Variants in ABCC3 observed in about 807,000 individuals in gnomAD.
The protein encoded by ABCC3 is ATP-binding cassette sub-family C member 3.
ABCC3 carries 121 observed loss-of-function variants against 165.3 expected under a neutral mutation model. The ratio of observed to expected loss-of-function variants is 0.73; its 90% CI spans 0.63 to 0.85. The LOEUF (loss-of-function observed/expected upper bound fraction) is 0.85. Among genes scored for constraint, ABCC3 ranks in the 40% least tolerant of loss-of-function variants. ABCC3 has a pLI of 0.00. For synonymous variants in ABCC3, 733 were observed against 810.1 expected, an observed-to-expected ratio of 0.90 and a Z score of 1.62; for missense variants, 1,869 against 1,964.1, an observed-to-expected ratio of 0.95 and a Z score of 0.92.
At chr17:50,639,093 T>C (rs1224158099) in intron 1 of ABCC3, among the ~76,000 whole-genome samples, 2 of 152,230 alleles carry the variant, frequency 1.3e-5, no homozygotes, top group Non-Finnish European at 2.9e-5. Flanking sequence ...GACAGTGTCC[T>C]GCACATCCAT....
At chr17:50,686,656 G>A (rs926809528) in intron 29 of ABCC3, among the ~76,000 whole-genome samples, 4 of 151,974 alleles carry the variant, frequency 2.6e-5, no homozygotes, top group African/African-American at 4.8e-5. Context: ...GACACATGCC[G>A]TGATCAGAGA....
At chr17:50,679,451 C>T in intron 25 of ABCC3, 1 of 176,212 alleles carries the variant, frequency 5.7e-6, no homozygotes, top group Non-Finnish European at 1.2e-5. Flanking sequence ...CCTCTGGGAG[C>T]TTGTTAGAAA....
At chr17:50,636,380 A>C (rs75090508) in intron 1 of ABCC3, among the ~76,000 whole-genome samples, 2 of 151,874 alleles carry the variant, frequency 1.3e-5, no homozygotes, top group Admixed American at 6.6e-5. Context: ...AAAAAAAAAA[A>C]CTGTAAAAAG....
chr17:50,662,944 C>A (rs1345047216), intron 8 of ABCC3, among the ~76,000 whole-genome samples: 1 of 151,882 alleles, frequency 6.6e-6, no homozygotes, highest in East Asian at 1.9e-4. Flanking sequence ...TGAAGCTCAG[C>A]GGCAAAGGGG....
chr17:50,671,271 A>G (rs1967641031), intron 17 of ABCC3, among the ~76,000 whole-genome samples: 1 of 151,926 alleles, frequency 6.6e-6, no homozygotes, highest in Admixed American at 6.6e-5. Context: ...AAAAAAAAAA[A>G]AAGAAAAAAA....
rs1329245843 is a variant in ABCC3 at position 50,659,305 on chromosome 17, G to A, written c.743G>A (p.Arg248Lys). 1 of 1,613,770 alleles carries A rather than the reference G, an allele frequency of 6.2e-7. No individual in the cohort carries two copies. The highest frequency in any genetic ancestry group is 8.5e-7 in the Non-Finnish European group (1 of 1,179,712). Reference protein sequence around the residue: ...KDLWSLKEEDRSQMVVQQLLE... With the variant: ...KDLWSLKEEDKSQMVVQQLLE... ...CTCTGGTCCCTAAAGGAAGAGGACAGATCCCAGATGGTGGTGCAGCAGCTG... is the reference window on the plus strand; with the variant it reads ...CTCTGGTCCCTAAAGGAAGAGGACAAATCCCAGATGGTGGTGCAGCAGCTG... The change falls in exon 7 of 31, where the codon AGA becomes AAA. Residue 248 changes from arginine to lysine, a missense_variant. Physicochemically the swap from Arg to Lys is conservative, Grantham distance 26. Coordinates refer to ENST00000285238, the MANE Select transcript of ABCC3 (RefSeq NM_003786.4).
chr17:50,635,090 C>T, intron 1 of ABCC3, 109 bp downstream of exon 1: 1 of 1,176,342 alleles, frequency 8.5e-7, no homozygotes, highest in Non-Finnish European at 1.1e-6. Context: ...CGGGACGGAG[C>T]CCCTGAGACG....
chr17:50,686,066 C>T (rs1166496732), intron 29 of ABCC3, among the ~76,000 whole-genome samples: 3 of 152,150 alleles, frequency 2.0e-5, no homozygotes, highest in Non-Finnish European at 2.9e-5. Context: ...TGATGGCGGG[C>T]GCCTGTAATC....
intron 3 of ABCC3, 69 bp downstream of exon 3, chr17:50,656,896 CTG>C: frequency 1.3e-6 from 2 of 1,553,348 alleles, no homozygotes; most frequent in Non-Finnish European, 1.7e-6. Flanking sequence ...GATAGGGAAA[CTG>C]TGGGCTCTGA....
Position 50,656,785 on chromosome 17 carries a change from C to T in ABCC3, c.306C>T (p.Ala102=), listed in dbSNP as rs1967259475. The change falls in exon 3 of 31, where the codon GCC becomes GCT. Residue 102 remains alanine, a synonymous_variant. Transcript: ENST00000285238. ...GCCTGGTCCATGGCCGGGCCCCTGC[C>T]CCTGTTTTCTTTGTCACCCCCTTGG... ...FHGLVHGRAP[A]PVFFVTPLVV... 5 of 1,613,806 alleles carry T rather than the reference C, an allele frequency of 3.1e-6. No individual in the cohort carries two copies. The highest frequency in any genetic ancestry group is 2.2e-5 in the South Asian group (2 of 91,032).
chr17:50,671,588 G>A (rs2146625188), intron 17 of ABCC3, among the ~76,000 whole-genome samples: 2 of 152,124 alleles, frequency 1.3e-5, no homozygotes, highest in Admixed American at 1.3e-4. Flanking sequence ...TCCAGGGGCT[G>A]CATCTGGAGA....
chr17:50,676,142 G>A (rs1374912655), intron 22 of ABCC3, 52 bp downstream of exon 22: 1 of 1,607,288 alleles, frequency 6.2e-7, no homozygotes, highest in Non-Finnish European at 8.5e-7. Context: ...TCTTCTCTGG[G>A]CTGCCAGGCC....
chr17:50,673,611 A>G lies in ABCC3; in HGVS notation c.2552A>G (p.Asn851Ser), dbSNP rs1350194239. ...RNGSFANFLCNYAPDEDQGHL... is the reference protein window; with the variant it reads ...RNGSFANFLCSYAPDEDQGHL... ...GGCTCCTTTGCCAACTTTCTCTGCA[A>G]CTATGCCCCCGATGAGGACCAAGGG... The change falls in exon 19 of 31, where the codon AAC becomes AGC. Residue 851 changes from asparagine to serine, a missense_variant. Transcript: ENST00000285238. 2.5e-6 allele frequency: 4 copies of G among 1,614,210 alleles called. No homozygotes were observed. The highest frequency in any genetic ancestry group is 3.3e-5 in the Admixed American group (2 of 60,020).
At chr17:50,672,597 C>CGA (rs1372053138) in intron 17 of ABCC3, among the ~76,000 whole-genome samples, 1 of 152,176 alleles carries the variant, frequency 6.6e-6, no homozygotes, top group African/African-American at 2.4e-5. Context: ...CAGTGGCTCA[C>CGA]ACCTGTAATC....
At chr17:50,671,497 A>G (rs1443597499) in intron 17 of ABCC3, among the ~76,000 whole-genome samples, 1 of 152,058 alleles carries the variant, frequency 6.6e-6, no homozygotes, top group Non-Finnish European at 1.5e-5. Context: ...TCTATTGCTT[A>G]TAAGAGAATG....
chr17:50,667,837 C>G (rs1337407833), intron 12 of ABCC3, 26 bp from the exon 13 acceptor site: 1 of 1,613,640 alleles, frequency 6.2e-7, no homozygotes, highest in South Asian at 1.1e-5. Context: ...TGGACTCTAC[C>G]CTGACACCAC....
chr17:50,645,251 G>A (rs1313528921), intron 1 of ABCC3, among the ~76,000 whole-genome samples: 6 of 149,892 alleles, frequency 4.0e-5, no homozygotes, highest in Admixed American at 2.7e-4. Context: ...GTGCACGCCC[G>A]TAATCCCAGC....
chr17:50,680,911 C>A (rs1306658283), intron 26 of ABCC3, among the ~76,000 whole-genome samples: 2 of 152,112 alleles, frequency 1.3e-5, no homozygotes, highest in Admixed American at 6.5e-5. Context: ...CCCATCTCTA[C>A]TAAAAATACA....
chr17:50,673,159 A>G, intron 18 of ABCC3, 21 bp downstream of exon 18: 1 of 1,612,488 alleles, frequency 6.2e-7, no homozygotes, highest in Non-Finnish European at 8.5e-7. Flanking sequence ...CCAGAGGCTA[A>G]GGGGGCTAAG....
Sources: allele counts gnomAD v4.1 joint callset (sites outside exome capture counted in the v4.1 genomes callset), GRCh38; gene constraint gnomAD v4.1.1; transcripts MANE v1.5; gene names NCBI Gene and HGNC (gene_info 2026-07-23, HGNC 2026-07-21).